VEGFC: variants seen among roughly 807,000 people sequenced by gnomAD.
The protein encoded by VEGFC is vascular endothelial growth factor C.
In VEGFC, 12 loss-of-function variants were observed where a neutral mutation model predicts 46.1. The observed-to-expected ratio is 0.26, with a 90% CI of 0.17 to 0.42. The LOEUF (loss-of-function observed/expected upper bound fraction) is 0.42, where lower values mean the gene tolerates loss of function less well. Ranked by LOEUF, VEGFC falls within the 10% of genes least tolerant of loss-of-function variation. The pLI is 1.00. For synonymous variants in VEGFC, 232 were observed against 195.5 expected, an observed-to-expected ratio of 1.19 and a Z score of -1.56; for missense variants, 488 against 529.4, an observed-to-expected ratio of 0.92 and a Z score of 0.77.
chr4:176,767,534 C>T (rs991608694), intron 1 of VEGFC, among the ~76,000 whole-genome samples: 1 of 152,150 alleles, frequency 6.6e-6, no homozygotes, highest in Non-Finnish European at 1.5e-5. Context: ...CTTGCCCCTG[C>T]AGGACTAGGG....
chr4:176,744,890 GTGTTACTTACACCA>G (rs1560953405), intron 1 of VEGFC, among the ~76,000 whole-genome samples: 1 of 152,046 alleles, frequency 6.6e-6, no homozygotes, highest in Non-Finnish European at 1.5e-5. Context: ...TACAAAGCCT[GTGTTACTTACACCA>G]TATTACATTA....
chr4:176,689,953 G>A (rs945761658), intron 4 of VEGFC, among the ~76,000 whole-genome samples: 1 of 152,078 alleles, frequency 6.6e-6, no homozygotes, highest in Non-Finnish European at 1.5e-5. Context: ...CTATGTTTTG[G>A]TTTACCTTCC....
intron 1 of VEGFC, among the ~76,000 whole-genome samples, chr4:176,759,492 G>A (rs953832997): frequency 1.3e-5 from 2 of 152,090 alleles, no homozygotes; most frequent in Admixed American, 6.6e-5. Context: ...ACGGGGAGAT[G>A]TTGTGTACAG....
intron 3 of VEGFC, among the ~76,000 whole-genome samples, chr4:176,726,064 C>A (rs191119783): frequency 6.6e-6 from 1 of 151,880 alleles, no homozygotes; most frequent in Non-Finnish European, 1.5e-5. Context: ...AAAACTATAA[C>A]GTCTTATTGT....
At chr4:176,704,929 T>C (rs79843510) in intron 4 of VEGFC, among the ~76,000 whole-genome samples, 6 of 151,772 alleles carry the variant, frequency 4.0e-5, no homozygotes, top group Non-Finnish European at 8.8e-5. Context: ...AAGAATGGAA[T>C]TTCTTCTGGA....
chr4:176,684,891 A>C (rs979491288), intron 6 of VEGFC, among the ~76,000 whole-genome samples: 16 of 152,060 alleles, frequency 1.1e-4, no homozygotes, highest in Admixed American at 1.0e-3. Context: ...ACGCCTGGCT[A>C]AGTTTCTGTA....
At chr4:176,747,705 G>T (rs1735280405) in intron 1 of VEGFC, among the ~76,000 whole-genome samples, 1 of 152,020 alleles carries the variant, frequency 6.6e-6, no homozygotes, top group South Asian at 2.1e-4. Flanking sequence ...GAGGCAGGAG[G>T]ATCCCTTGAG....
chr4:176,687,066 T>C (rs914800694), intron 6 of VEGFC, 121 bp downstream of exon 6: 14 of 1,097,306 alleles, frequency 1.3e-5, no homozygotes, highest in Non-Finnish European at 1.7e-5. Context: ...AAGATTTTTG[T>C]CTTTCAGAAT....
intron 1 of VEGFC, among the ~76,000 whole-genome samples, chr4:176,752,061 G>C (rs1735351350): frequency 6.6e-6 from 1 of 151,752 alleles, no homozygotes; most frequent in African/African-American, 2.4e-5. Flanking sequence ...GAAAAATTCA[G>C]TATACAAGTC....
At chr4:176,718,669 T>C (rs1415194955) in intron 3 of VEGFC, among the ~76,000 whole-genome samples, 1 of 152,152 alleles carries the variant, frequency 6.6e-6, no homozygotes, top group Non-Finnish European at 1.5e-5. Flanking sequence ...CTGGCACTAA[T>C]GAACACAGCA....
At position 176,729,574 on chromosome 4, in the gene VEGFC, A is replaced by G; in HGVS notation, c.320T>C (p.Ile107Thr). ...ANLNSRTEET[I>T]KFAAAHYNTE... The stretch of plus-strand genomic sequence containing the variant: ...ATTATAATGTGCTGCAGCAAATTTT[A>G]TAGTCTCTTCTGTCCTTGAGTTGAG... Residue 107 changes from isoleucine to threonine, a missense_variant, in exon 2 of 7, where the codon ATA (isoleucine) becomes ACA (threonine). Ile to Thr is a moderately conservative substitution (Grantham distance 89). Transcript: ENST00000618562. 2 of 1,613,728 alleles carry G rather than the reference A, an allele frequency of 1.2e-6. No individual in the cohort carries two copies. Among genetic ancestry groups the G allele is most frequent in the Non-Finnish European group, 1.7e-6 (2 of 1,179,900 alleles).
At chr4:176,711,698 A>T in intron 3 of VEGFC, 48 bp from the exon 4 acceptor site, 1 of 1,596,338 alleles carries the variant, frequency 6.3e-7, no homozygotes, top group Non-Finnish European at 8.6e-7. Context: ...GATGCTGTAA[A>T]GCACTTTTAT....
intron 1 of VEGFC, among the ~76,000 whole-genome samples, chr4:176,736,076 C>T (rs150709007): frequency 5.3e-4 from 80 of 151,850 alleles, no homozygotes; most frequent in African/African-American, 1.9e-3. Context: ...GAAGACCCAC[C>T]TCCTCCATGG....
intron 1 of VEGFC, among the ~76,000 whole-genome samples, chr4:176,760,521 G>A (rs576764587): frequency 7.2e-5 from 11 of 152,186 alleles, no homozygotes; most frequent in African/African-American, 2.6e-4. Flanking sequence ...ATATTTATCA[G>A]CCCTGTAACT....
At chr4:176,734,648 T>A (rs945980940) in intron 1 of VEGFC, among the ~76,000 whole-genome samples, 4 of 151,824 alleles carry the variant, frequency 2.6e-5, no homozygotes, top group African/African-American at 9.7e-5. Context: ...ATTTGCAGAC[T>A]TTAAGAAACT....
intron 4 of VEGFC, among the ~76,000 whole-genome samples, chr4:176,691,200 T>A (rs565932824): frequency 6.6e-6 from 1 of 152,306 alleles, no homozygotes; most frequent in Non-Finnish European, 1.5e-5. Flanking sequence ...GATAGAGGTT[T>A]AGTAAAATTT....
At position 176,745,634 on chromosome 4, in the gene VEGFC, A is replaced by AG. The variant is rs558922038; in HGVS notation, c.148-15889_148-15888insC. Among the ~76,000 whole-genome samples, 22 of 152,234 alleles carry AG rather than the reference A, an allele frequency of 1.4e-4. No homozygotes were observed. In the South Asian group the frequency reaches 4.3e-3, roughly 30 times the overall value. On this transcript the variant is annotated intron_variant, in intron 1 of 6. Transcript: ENST00000618562. ...AAATGTGATGTCCTGCTAACACTAT[A>AG]CTGGGACCTGCTTGGGTCTGTCCTG...
At chr4:176,776,608 G>A (rs4574347) in intron 1 of VEGFC, among the ~76,000 whole-genome samples, 1 of 152,078 alleles carries the variant, frequency 6.6e-6, no homozygotes, top group Non-Finnish European at 1.5e-5. Context: ...CAGAAGAGTC[G>A]TACAAGAGAA....
chr4:176,751,979 A>AT (rs1735349992), intron 1 of VEGFC, among the ~76,000 whole-genome samples: 1 of 152,004 alleles, frequency 6.6e-6, no homozygotes, highest in Non-Finnish European at 1.5e-5. Context: ...AGAAAAAAAA[A>AT]ATAAATGGAT....
Sources: gnomAD v4.1 joint callset for allele counts (sites outside exome capture counted in the v4.1 genomes callset) on GRCh38, gnomAD v4.1.1 for gene constraint, MANE v1.5 for transcripts, NCBI Gene and HGNC (gene_info 2026-07-23, HGNC 2026-07-21) for gene names.